Variants in SELENOT observed in about 807,000 individuals in gnomAD.
The protein encoded by SELENOT is selenoprotein T.
A neutral mutation model predicts 24.3 loss-of-function variants in SELENOT; 9 were observed. That is an observed-to-expected ratio of 0.37 (90% CI 0.22 to 0.65). The LOEUF is 0.65. SELENOT is among the 30% of genes least tolerant of loss of function. The pLI is 0.60. For missense variants in SELENOT, 166 were observed against 247.6 expected (o/e 0.67, Z 2.21); for synonymous variants, 81 against 86.0 (o/e 0.94, Z 0.32).
chr3:150,628,946 T>G lies in SELENOT; in HGVS notation c.*1317T>G, dbSNP rs183686768. 6.6e-6 allele frequency: 1 copy of G among 152,290 alleles called. No individual in the cohort carries two copies. Among genetic ancestry groups the G allele is most frequent in the African/African-American group, 2.4e-5 (1 of 41,572 alleles). The allele number at this position is 152,290 out of a possible 1,614,324, so 9.4% of individuals were successfully genotyped here. A position where few individuals can be genotyped will look rare whatever the true frequency, so the allele number is the denominator to read the frequency against. On this transcript the variant is annotated 3_prime_UTR_variant, in exon 6 of 6. Coordinates refer to ENST00000471696, the MANE Select transcript of SELENOT (RefSeq NM_016275.5). Reference sequence around the variant, plus strand: ...AGTATTTCAGATTTCATAATTTTTTTCAAAGTTTGGAATATTTGCATTATA... The same window carrying G: ...AGTATTTCAGATTTCATAATTTTTTGCAAAGTTTGGAATATTTGCATTATA...
At chr3:150,611,197 T>C in intron 1 of SELENOT, 1 of 813,696 alleles carries the variant, frequency 1.2e-6, no homozygotes, top group Admixed American at 2.5e-5. Flanking sequence ...CAAAGAACAT[T>C]TCTACATGTG....
chr3:150,618,048 A>C (rs771048770), intron 1 of SELENOT, among the ~76,000 whole-genome samples: 8 of 152,016 alleles, frequency 5.3e-5, no homozygotes, highest in Non-Finnish European at 1.0e-4. Flanking sequence ...GTAGAGACAG[A>C]GTTTCACCAT....
intron 1 of SELENOT, chr3:150,611,850 C>A: frequency 1.1e-6 from 1 of 941,040 alleles, no homozygotes; most frequent in African/African-American, 1.7e-5. Flanking sequence ...CTGCCGCCTC[C>A]CCACTGCCCA....
intron 1 of SELENOT, among the ~76,000 whole-genome samples, chr3:150,604,514 T>C (rs1456605177): frequency 6.6e-6 from 1 of 152,216 alleles, no homozygotes; most frequent in African/African-American, 2.4e-5. Context: ...GGAATGTTGG[T>C]GTTGGACATC....
Position 150,624,794 on chromosome 3 carries a change from A to G in SELENOT, c.376-18A>G, listed in dbSNP as rs1195551469. 1.3e-6 allele frequency: 2 copies of G among 1,481,928 alleles called. No individual in the cohort carries two copies. The highest frequency in any genetic ancestry group is 1.7e-4 in the Middle Eastern group (1 of 5,808). The allele number at this position is 1,481,928 out of a possible 1,614,324, so 91.8% of individuals were successfully genotyped here. A position where few individuals can be genotyped will look rare whatever the true frequency, so the allele number is the denominator to read the frequency against. ...AAACATGACTTTGCCTGTTGTGCTT[A>G]ATTATATTTTCTTTTAGGTTTATGC... On this transcript the variant is annotated intron_variant, in intron 3 of 5. Transcript: ENST00000471696.
chr3:150,617,327 A>G (rs1254044897), intron 1 of SELENOT, among the ~76,000 whole-genome samples: 1 of 152,204 alleles, frequency 6.6e-6, no homozygotes, highest in African/African-American at 2.4e-5. Flanking sequence ...GAGGAAAGGC[A>G]TGGTAACTCA....
At position 150,611,624 on chromosome 3, in the gene SELENOT, C is replaced by G. The variant is rs1726094324; in HGVS notation, c.137+8125C>G. On this transcript the variant is annotated intron_variant, in intron 1 of 5. Transcript: ENST00000471696. ...TGCCTGCGCTCTTATCCAGCTCGAT[C>G]TTCACCTTCTGGGATATGCTCTTCT... 1.7e-5 allele frequency: 26 copies of G among 1,549,758 alleles called. No individual in the cohort carries two copies. In the East Asian group the frequency reaches 5.9e-4, roughly 35 times the overall value.
intron 1 of SELENOT, among the ~76,000 whole-genome samples, chr3:150,616,504 G>GA (rs1347896794): frequency 6.1e-5 from 9 of 148,706 alleles, no homozygotes; most frequent in African/African-American, 2.3e-4. Context: ...AAATTTACAA[G>GA]AAAAAAACAA....
rs531822237 is a variant in SELENOT, at chr3:150,613,665, CTTTTTTTTTTTTT to C, written c.138-8704_138-8692del. ...CACTAAATTATGCAGAAGATGGGAACTTTTTTTTTTTTTTTTTTTTTTTTTTTTAGAGAAAAAG... is the reference window on the plus strand; with the variant it reads ...CACTAAATTATGCAGAAGATGGGAACTTTTTTTTTTTTTTTAGAGAAAAAG... On this transcript the variant is annotated intron_variant, in intron 1 of 5. Coordinates refer to ENST00000471696, the MANE Select transcript of SELENOT (RefSeq NM_016275.5). Among the ~76,000 whole-genome samples the C allele has an allele frequency of 3.4e-3, 268 of 78,920 alleles. 4 individuals are homozygous for C. The highest frequency in any genetic ancestry group is 0.014 in the Middle Eastern group (1 of 72). 51.8% of individuals were successfully genotyped at this position (78,920 alleles called of 152,430 possible).
intron 1 of SELENOT, among the ~76,000 whole-genome samples, chr3:150,619,508 C>T (rs1726294021): frequency 6.6e-6 from 1 of 152,196 alleles, no homozygotes; most frequent in Non-Finnish European, 1.5e-5. Flanking sequence ...TGCACGCTAG[C>T]CTGGGCAACA....
intron 1 of SELENOT, among the ~76,000 whole-genome samples, chr3:150,612,391 C>CTA (rs777432896): frequency 1.1e-4 from 16 of 151,610 alleles, no homozygotes; most frequent in South Asian, 2.1e-4. Context: ...CCATGCCCGG[C>CTA]TATATATATA....
At position 150,629,494 on chromosome 3, in the gene SELENOT, C is replaced by T. The variant is rs1412332423; in HGVS notation, c.*1865C>T. The T allele has an allele frequency of 6.6e-6, 1 of 152,568 alleles. No homozygotes were observed. The highest frequency in any genetic ancestry group is 1.5e-5 in the Non-Finnish European group (1 of 68,030). The allele number at this position is 152,568 out of a possible 1,614,324, so 9.5% of individuals were successfully genotyped here. On this transcript the variant is annotated 3_prime_UTR_variant, in exon 6 of 6. Transcript: ENST00000471696. ...TGTCTAGGGGTTCATCTTCAGTAAT[C>T]GACATTCCACTAGTGCCATAGTTAA...
rs1041684389 is a variant in SELENOT, at chr3:150,629,409, A to T, written c.*1780A>T. 11 of 152,618 alleles carry T rather than the reference A, an allele frequency of 7.2e-5. No individual in the cohort carries two copies. The highest frequency in any genetic ancestry group is 2.6e-4 in the Admixed American group (4 of 15,284). The allele number at this position is 152,618 out of a possible 1,614,324, so 9.5% of individuals were successfully genotyped here. ...TTTGACTAGAGCTTGAAACCTTGTT[A>T]TCTGATTGTGTACCACTCCAAATTC... On this transcript the variant is annotated 3_prime_UTR_variant, in exon 6 of 6. Coordinates refer to ENST00000471696, the MANE Select transcript of SELENOT (RefSeq NM_016275.5).
chr3:150,611,739 T>C, intron 1 of SELENOT: 1 of 1,512,002 alleles, frequency 6.6e-7, no homozygotes, highest in Non-Finnish European at 9.1e-7. Flanking sequence ...GAGCCCGGCC[T>C]GGCCGCCCCC....
intron 1 of SELENOT, among the ~76,000 whole-genome samples, chr3:150,620,922 A>G (rs552535001): frequency 1.3e-5 from 2 of 152,308 alleles, no homozygotes; most frequent in South Asian, 2.1e-4. Context: ...AGAGAAAGCA[A>G]TTGTGGCAGA....
chr3:150,624,472 A>G (rs1162806897), intron 3 of SELENOT, among the ~76,000 whole-genome samples: 2 of 152,200 alleles, frequency 1.3e-5, no homozygotes, highest in Non-Finnish European at 2.9e-5. Context: ...TACAGGTTGT[A>G]TTGAATATTA....
At chr3:150,605,401 T>C (rs1725939792) in intron 1 of SELENOT, among the ~76,000 whole-genome samples, 1 of 152,128 alleles carries the variant, frequency 6.6e-6, no homozygotes, top group African/African-American at 2.4e-5. Context: ...GTTTTCAAAA[T>C]GTGTAAACAA....
intron 1 of SELENOT, among the ~76,000 whole-genome samples, chr3:150,604,182 G>T (rs1160599402): frequency 6.6e-6 from 1 of 152,204 alleles, no homozygotes; most frequent in Non-Finnish European, 1.5e-5. Flanking sequence ...CTCCTCACCT[G>T]CCTCCCAGGA....
chr3:150,619,635 C>CAT (rs1186678829), intron 1 of SELENOT, among the ~76,000 whole-genome samples: 1 of 152,180 alleles, frequency 6.6e-6, no homozygotes, highest in Non-Finnish European at 1.5e-5. Flanking sequence ...TTAGTGTGTT[C>CAT]ATATACTTAT....
Sources: gnomAD v4.1 joint callset for allele counts (sites outside exome capture counted in the v4.1 genomes callset) on GRCh38, gnomAD v4.1.1 for gene constraint, MANE v1.5 for transcripts, NCBI Gene and HGNC (gene_info 2026-07-23, HGNC 2026-07-21) for gene names.